The following SCFD1 variants were observed in gnomAD, a reference collection of about 807,000 sequenced individuals.
SCFD1 encodes the protein sec1 family domain containing 1.
A neutral mutation model predicts 103.2 loss-of-function variants in SCFD1; 37 were observed. That is an observed-to-expected ratio of 0.36 (90% CI 0.28 to 0.47). The LOEUF is 0.47. Ranked by LOEUF, SCFD1 falls within the 20% of genes least tolerant of loss-of-function variation. SCFD1 has a pLI of 1.00. For missense variants in SCFD1, 639 were observed against 761.2 expected (o/e 0.84, Z 1.89); for synonymous variants, 264 against 245.0 (o/e 1.08, Z -0.73).
At chr14:30,678,812 A>G (rs1889243419) in intron 14 of SCFD1, among the ~76,000 whole-genome samples, 1 of 152,194 alleles carries the variant, frequency 6.6e-6, no homozygotes, top group South Asian at 2.1e-4. Flanking sequence ...AAAATAAGCT[A>G]TCAATAAACT....
chr14:30,647,360 AT>A (rs567763899), intron 7 of SCFD1, among the ~76,000 whole-genome samples: 8 of 149,384 alleles, frequency 5.4e-5, no homozygotes, highest in African/African-American at 1.2e-4. Context: ...CCTTTCAGGG[AT>A]TTTTTTTTTC....
At chr14:30,699,689 A>C (rs1189717772) in intron 15 of SCFD1, among the ~76,000 whole-genome samples, 1 of 152,152 alleles carries the variant, frequency 6.6e-6, no homozygotes, top group East Asian at 1.9e-4. Flanking sequence ...CCCCAATTTG[A>C]GAAGTATGGC....
intron 14 of SCFD1, chr14:30,676,159 G>A (rs1223760072): frequency 6.6e-6 from 1 of 152,170 alleles, no homozygotes; most frequent in Non-Finnish European, 1.5e-5. Context: ...ATATCACCAG[G>A]TGAAATACAA....
intron 9 of SCFD1, among the ~76,000 whole-genome samples, chr14:30,652,571 C>A (rs1214194321): frequency 6.6e-6 from 1 of 152,144 alleles, no homozygotes; most frequent in Non-Finnish European, 1.5e-5. Flanking sequence ...AGCTCCTACT[C>A]TTTGTTTTCC....
At chr14:30,734,675 C>G (rs959626891) in intron 23 of SCFD1, 115 bp from the exon 24 acceptor site, 2 of 788,758 alleles carry the variant, frequency 2.5e-6, no homozygotes, top group Middle Eastern at 3.7e-4. Flanking sequence ...CCAACAGTAT[C>G]CCAAAGAAAG....
intron 3 of SCFD1, among the ~76,000 whole-genome samples, chr14:30,631,649 A>G (rs1240552917): frequency 6.6e-6 from 1 of 152,180 alleles, no homozygotes; most frequent in African/African-American, 2.4e-5. Flanking sequence ...ATAGTGGGCT[A>G]TCTGTGTTGT....
chr14:30,715,939 C>G lies in SCFD1; in HGVS notation c.1645C>G (p.Arg549Gly). 6.4e-7 allele frequency: 1 copy of G among 1,556,252 alleles called. No homozygotes were observed. Among genetic ancestry groups the G allele is most frequent in the Non-Finnish European group, 8.7e-7 (1 of 1,143,180 alleles). Residue 549 changes from arginine to glycine, a missense_variant, in exon 20 of 25, where the codon CGT becomes GGT. Transcript: ENST00000458591. ...VLKQQNLPVTRILDNLMEMKS... is the reference protein window; with the variant it reads ...VLKQQNLPVTGILDNLMEMKS... ...TTTTCCACAGAATCTACCTGTTACTCGTATTTTGGACAATCTTATGGAGAT... is the reference window on the plus strand; with the variant it reads ...TTTTCCACAGAATCTACCTGTTACTGGTATTTTGGACAATCTTATGGAGAT...
chr14:30,727,088 T>TCAGC lies in SCFD1; in HGVS notation c.1836+4529_1836+4530insCAGC, dbSNP rs370082398. Among the ~76,000 whole-genome samples, 83 of 152,270 alleles carry TCAGC rather than the reference T, an allele frequency of 5.5e-4. 1 individual carries two copies. The East Asian group carries it at 0.016, about 29-fold the overall frequency. On this transcript the variant is annotated intron_variant, in intron 23 of 24. Transcript: ENST00000458591. Reference sequence around the variant, plus strand: ...ATTATTCTCAGCAAAAGATCAGGGCTATAAGTGTGTAAGCCCACCTAGTTA... The same window carrying TCAGC: ...ATTATTCTCAGCAAAAGATCAGGGCTCAGCATAAGTGTGTAAGCCCACCTAGTTA...
intron 1 of SCFD1, among the ~76,000 whole-genome samples, chr14:30,624,078 CT>C (rs1419951213): frequency 3.9e-5 from 6 of 152,152 alleles, no homozygotes; most frequent in African/African-American, 1.4e-4. Flanking sequence ...GTGCCTGTTT[CT>C]TGCTTTGCCT....
At chr14:30,657,960 C>T (rs942167738) in intron 10 of SCFD1, 28 of 361,316 alleles carry the variant, frequency 7.7e-5, no homozygotes, top group Admixed American at 6.2e-4. Flanking sequence ...GGGAAATACA[C>T]ACTTCTGGTT....
chr14:30,730,023 T>C (rs868831287), intron 23 of SCFD1, among the ~76,000 whole-genome samples: 1 of 152,150 alleles, frequency 6.6e-6, no homozygotes, highest in South Asian at 2.1e-4. Flanking sequence ...CTTACCCCAC[T>C]ACAGGTCCCG....
chr14:30,632,173 A>G (rs1884238598), intron 3 of SCFD1, among the ~76,000 whole-genome samples: 1 of 151,402 alleles, frequency 6.6e-6, no homozygotes, highest in South Asian at 2.1e-4. Flanking sequence ...ATTTTGTTCT[A>G]TTTATGATGT....
At chr14:30,672,666 A>T (rs909759791) in intron 11 of SCFD1, among the ~76,000 whole-genome samples, 1 of 152,208 alleles carries the variant, frequency 6.6e-6, no homozygotes, top group African/African-American at 2.4e-5. Context: ...TTCTGCCTAA[A>T]GTCTATGTAA....
At chr14:30,627,142 C>T (rs975318826) in intron 1 of SCFD1, among the ~76,000 whole-genome samples, 6 of 151,938 alleles carry the variant, frequency 3.9e-5, no homozygotes, top group African/African-American at 1.5e-4. Context: ...CTCAGTTTCA[C>T]GAAGAAGTAT....
intron 9 of SCFD1, 73 bp downstream of exon 9, chr14:30,650,723 G>A (rs1390333087): frequency 2.4e-6 from 2 of 849,966 alleles, no homozygotes; most frequent in East Asian, 2.5e-5. Context: ...TTTCTTGGCT[G>A]ATAGAATATC....
chr14:30,694,064 T>A (rs963134424), intron 14 of SCFD1, among the ~76,000 whole-genome samples: 10 of 152,006 alleles, frequency 6.6e-5, no homozygotes, highest in South Asian at 2.1e-4. Context: ...AAAGTTTTTT[T>A]AAAAAAACAA....
chr14:30,691,610 A>G (rs1890306490), intron 14 of SCFD1, among the ~76,000 whole-genome samples: 1 of 152,224 alleles, frequency 6.6e-6, no homozygotes, highest in South Asian at 2.1e-4. Context: ...GTTGAGATGT[A>G]ACTCACGTAC....
At chr14:30,637,661 A>G (rs1481529583) in intron 4 of SCFD1, among the ~76,000 whole-genome samples, 1 of 152,188 alleles carries the variant, frequency 6.6e-6, no homozygotes, top group Non-Finnish European at 1.5e-5. Context: ...TGCATAACTT[A>G]AATTGCACTA....
intron 3 of SCFD1, among the ~76,000 whole-genome samples, chr14:30,631,301 C>G (rs1472279581): frequency 1.3e-5 from 2 of 151,886 alleles, no homozygotes; most frequent in African/African-American, 4.8e-5. Flanking sequence ...TGCAGTGAGC[C>G]GAGACTGTGC....
Sources: gnomAD v4.1 joint callset for allele counts (sites outside exome capture counted in the v4.1 genomes callset) on GRCh38, gnomAD v4.1.1 for gene constraint, MANE v1.5 for transcripts, NCBI Gene and HGNC (gene_info 2026-07-23, HGNC 2026-07-21) for gene names.